Variants in EMCN observed in about 807,000 individuals in gnomAD.
The protein encoded by EMCN is MUC-14.
Under a neutral mutation model 38.4 loss-of-function variants are expected in EMCN, and 37 were observed. That is an observed-to-expected ratio of 0.96 (90% CI 0.74 to 1.27). EMCN has a LOEUF of 1.27. Among genes scored for constraint, EMCN ranks in the 50% most tolerant of loss-of-function variants. The pLI is 0.00. For missense variants in EMCN, 318 were observed against 302.8 expected, an observed-to-expected ratio of 1.05 and a Z score of -0.37; for synonymous variants, 95 against 100.8, an observed-to-expected ratio of 0.94 and a Z score of 0.35.
intron 9 of EMCN, among the ~76,000 whole-genome samples, 200 bp downstream of exon 9, chr4:100,416,917 C>G (rs1726752770): frequency 1.3e-5 from 2 of 151,954 alleles, no homozygotes; most frequent in African/African-American, 4.8e-5. Flanking sequence ...TTTTATTTCC[C>G]ATTTTACCAT....
chr4:100,493,093 C>A (rs904745720), intron 1 of EMCN, among the ~76,000 whole-genome samples: 4 of 152,030 alleles, frequency 2.6e-5, no homozygotes, highest in African/African-American at 9.7e-5. Context: ...AGAGTTCTAC[C>A]ATTAGGTTAT....
At chr4:100,500,171 G>A (rs1361652063) in intron 1 of EMCN, among the ~76,000 whole-genome samples, 1 of 152,060 alleles carries the variant, frequency 6.6e-6, no homozygotes, top group African/African-American at 2.4e-5. Context: ...TGGTTTTCCT[G>A]ATATTTCTTA....
intron 5 of EMCN, chr4:100,446,364 T>G: frequency 5.6e-6 from 1 of 179,166 alleles, no homozygotes. Context: ...AGATATATGA[T>G]ATAGAAGAAG....
chr4:100,485,650 G>A (rs1728922170), intron 1 of EMCN, among the ~76,000 whole-genome samples: 1 of 151,496 alleles, frequency 6.6e-6, no homozygotes. Context: ...ATAAAATAAA[G>A]TACTGTTTCC....
chr4:100,483,810 A>T (rs1728874853), intron 1 of EMCN, among the ~76,000 whole-genome samples: 1 of 152,120 alleles, frequency 6.6e-6, no homozygotes, highest in African/African-American at 2.4e-5. Flanking sequence ...TCTAGGTCTT[A>T]TTTGATTTTG....
chr4:100,442,091 G>T (rs2110237705), intron 5 of EMCN, among the ~76,000 whole-genome samples: 1 of 152,300 alleles, frequency 6.6e-6, no homozygotes, highest in East Asian at 1.9e-4. Context: ...TAGTGGTGAT[G>T]AATTCCTTCA....
intron 10 of EMCN, among the ~76,000 whole-genome samples, chr4:100,415,194 G>A (rs1252209332): frequency 2.6e-5 from 4 of 152,170 alleles, no homozygotes; most frequent in African/African-American, 9.7e-5. Flanking sequence ...ATAGCTCCCG[G>A]CCAGATTATT....
chr4:100,485,427 T>C (rs1728915825), intron 1 of EMCN, among the ~76,000 whole-genome samples: 1 of 152,060 alleles, frequency 6.6e-6, no homozygotes, highest in Non-Finnish European at 1.5e-5. Flanking sequence ...GTAATGGCAA[T>C]GCATAAATTG....
chr4:100,408,284 A>C lies in EMCN; in HGVS notation c.*39+1998T>G, dbSNP rs192363606. 1.6e-3 allele frequency among the ~76,000 whole-genome samples: 238 copies of C among 152,296 alleles called. 1 individual carries two copies. The highest frequency in any genetic ancestry group is 5.5e-3 in the African/African-American group (230 of 41,578). ...GCAGCTAGTTCAGTCATTTGGAGGT[A>C]AGGAGGCAATCTGGCTTTTAGAGTT... On this transcript the variant is annotated intron_variant, in intron 11 of 11. Transcript: ENST00000296420.
rs1157668922 is a variant in EMCN, at chr4:100,396,358, C to G, written c.*2055G>C. Reference sequence around the variant, plus strand: ...CTTCCTAATTCTTGTAAACTCTTTTCTAACCATGCTCATGAAATGTAGAGA... The same window carrying G: ...CTTCCTAATTCTTGTAAACTCTTTTGTAACCATGCTCATGAAATGTAGAGA... On this transcript the variant is annotated 3_prime_UTR_variant, in exon 12 of 12. Transcript: ENST00000296420. The G allele has an allele frequency of 1.3e-5, 2 of 151,958 alleles. No homozygotes were observed. The highest frequency in any genetic ancestry group is 1.3e-4 in the Admixed American group (2 of 15,220). 9.4% of individuals were successfully genotyped at this position (151,958 alleles called of 1,614,324 possible).
intron 1 of EMCN, among the ~76,000 whole-genome samples, chr4:100,498,666 T>C (rs1166763164): frequency 6.6e-6 from 1 of 152,096 alleles, no homozygotes; most frequent in Non-Finnish European, 1.5e-5. Flanking sequence ...GGTCTTGAAC[T>C]CCTGACCTCA....
chr4:100,453,242 G>A (rs1289939715), intron 4 of EMCN, among the ~76,000 whole-genome samples: 8 of 151,922 alleles, frequency 5.3e-5, no homozygotes, highest in Admixed American at 5.2e-4. Context: ...GCAACCTACA[G>A]AATGGGAGAA....
intron 11 of EMCN, among the ~76,000 whole-genome samples, chr4:100,402,739 G>A (rs1274395088): frequency 1.3e-5 from 2 of 152,202 alleles, no homozygotes; most frequent in African/African-American, 4.8e-5. Context: ...AGGAATGGGA[G>A]TTGAACAAAA....
At chr4:100,419,388 G>A (rs1158487670) in intron 8 of EMCN, among the ~76,000 whole-genome samples, 1 of 152,004 alleles carries the variant, frequency 6.6e-6, no homozygotes, top group East Asian at 1.9e-4. Flanking sequence ...CAGAAACAAA[G>A]TTAACAACAA....
intron 5 of EMCN, among the ~76,000 whole-genome samples, chr4:100,447,303 G>A (rs952330176): frequency 6.6e-6 from 1 of 152,086 alleles, no homozygotes; most frequent in Admixed American, 6.6e-5. Flanking sequence ...TTATACATTC[G>A]CTAGAGCTGG....
intron 5 of EMCN, 75 bp from the exon 6 acceptor site, chr4:100,423,479 C>T: frequency 9.5e-7 from 1 of 1,053,532 alleles, no homozygotes. Context: ...CAGATTCAAA[C>T]AGTTTGCTTT....
chr4:100,499,668 C>G (rs964567628), intron 1 of EMCN, among the ~76,000 whole-genome samples: 1 of 152,152 alleles, frequency 6.6e-6, no homozygotes, highest in Non-Finnish European at 1.5e-5. Flanking sequence ...TTTGTCCTAG[C>G]CTTGTGACAA....
intron 4 of EMCN, among the ~76,000 whole-genome samples, chr4:100,461,524 A>G (rs1728178228): frequency 6.6e-6 from 1 of 152,166 alleles, no homozygotes; most frequent in African/African-American, 2.4e-5. Context: ...TTTTAATTCA[A>G]AAAGCCCACA....
At chr4:100,429,760 G>A (rs1359317071) in intron 5 of EMCN, among the ~76,000 whole-genome samples, 1 of 151,974 alleles carries the variant, frequency 6.6e-6, no homozygotes, top group Non-Finnish European at 1.5e-5. Flanking sequence ...GAGTGAATGA[G>A]GCACTGTGCT....
Sources: allele counts gnomAD v4.1 joint callset (sites outside exome capture counted in the v4.1 genomes callset), GRCh38; gene constraint gnomAD v4.1.1; transcripts MANE v1.5; gene names NCBI Gene and HGNC (gene_info 2026-07-23, HGNC 2026-07-21).